TDP1: variants seen among roughly 807,000 people sequenced by gnomAD.
TDP1 encodes the protein tyr-DNA phosphodiesterase 1.
A neutral mutation model predicts 81.5 loss-of-function variants in TDP1; 64 were observed. That is an observed-to-expected ratio of 0.79 (90% confidence interval 0.64 to 0.97). The LOEUF is 0.97. Ranked by LOEUF, TDP1 falls within the 50% of genes least tolerant of loss-of-function variation. The pLI is 0.00. For missense variants in TDP1, 723 were observed against 743.8 expected (o/e 0.97, Z 0.33); for synonymous variants, 256 against 264.3 (o/e 0.97, Z 0.30).
At chr14:89,986,722 G>T (rs760107688) in intron 10 of TDP1, among the ~76,000 whole-genome samples, 3 of 152,348 alleles carry the variant, frequency 2.0e-5, no homozygotes, top group Admixed American at 6.5e-5. Flanking sequence ...TAGAAACTGG[G>T]TGTTGTAAGT....
At chr14:89,980,826 A>G in intron 8 of TDP1, 194 bp downstream of exon 8, 1 of 599,912 alleles carries the variant, frequency 1.7e-6, no homozygotes. Context: ...TCTTGGGGTA[A>G]CCAGTGTTAA....
At chr14:89,980,802 G>T (rs909726286) in intron 8 of TDP1, 170 bp downstream of exon 8, 4 of 637,196 alleles carry the variant, frequency 6.3e-6, no homozygotes, top group African/African-American at 5.5e-5. Context: ...TTTACTACCT[G>T]CCCCATTCTA....
intron 5 of TDP1, among the ~76,000 whole-genome samples, chr14:89,968,533 C>CT (rs1310985744): frequency 1.3e-5 from 2 of 152,212 alleles, no homozygotes; most frequent in African/African-American, 4.8e-5. Flanking sequence ...ACACCTGCAT[C>CT]TATTTCATTG....
At position 89,971,250 on chromosome 14, in the gene TDP1, C is replaced by T. The variant is rs778913360; in HGVS notation, c.735C>T (p.Tyr245=). ...ACCTCCATGCCCAGGCCAAGCCTTA[C>T]GAGAACATCTCTCTCTGCCAGGTAA... ...KAHLHAQAKP[Y]ENISLCQAKL... Residue 245 remains tyrosine (Y), a synonymous_variant, in exon 6 of 17, where the codon TAC becomes TAT. Transcript: ENST00000335725. The T allele has an allele frequency of 8.3e-5, 134 of 1,613,908 alleles. No individual in the cohort carries two copies. Among genetic ancestry groups the T allele is most frequent in the Non-Finnish European group, 1.0e-4 (123 of 1,179,908 alleles).
chr14:89,964,366 G>C (rs1335553221), intron 3 of TDP1, among the ~76,000 whole-genome samples: 1 of 152,238 alleles, frequency 6.6e-6, no homozygotes, highest in Non-Finnish European at 1.5e-5. Context: ...CTCATTTGCT[G>C]TATGGATTGT....
At chr14:90,039,268 A>T (rs1888127760) in intron 16 of TDP1, among the ~76,000 whole-genome samples, 1 of 152,188 alleles carries the variant, frequency 6.6e-6, no homozygotes, top group South Asian at 2.1e-4. Context: ...TAACTTGGTA[A>T]ATCAGTGCAA....
At chr14:89,983,261 G>A (rs1469866887) in intron 8 of TDP1, 3 of 398,670 alleles carry the variant, frequency 7.5e-6, no homozygotes, top group Non-Finnish European at 1.5e-5. Context: ...AGAGATCACA[G>A]AGCTTACCCA....
At chr14:90,023,108 A>G (rs1206993136) in intron 15 of TDP1, 5 of 756,114 alleles carry the variant, frequency 6.6e-6, no homozygotes, top group Non-Finnish European at 9.7e-6. Context: ...GGAAACAGAC[A>G]CTGGTGATTA....
intron 15 of TDP1, among the ~76,000 whole-genome samples, chr14:90,032,446 C>T (rs943951181): frequency 1.3e-5 from 2 of 151,902 alleles, no homozygotes; most frequent in African/African-American, 2.4e-5. Context: ...TATGGAAGCA[C>T]GAGGGGGCAC....
At chr14:90,004,129 G>A (rs2140189033) in intron 14 of TDP1, among the ~76,000 whole-genome samples, 1 of 152,224 alleles carries the variant, frequency 6.6e-6, no homozygotes, top group South Asian at 2.1e-4. Context: ...GATGACTCAA[G>A]GTCATATTAC....
chr14:89,956,014 C>T (rs1891530847), intron 1 of TDP1, 44 bp downstream of exon 1: 1 of 152,760 alleles, frequency 6.5e-6, no homozygotes, highest in African/African-American at 2.4e-5. Context: ...TGCGGTCTCT[C>T]GCGGGCTGCG....
intron 15 of TDP1, among the ~76,000 whole-genome samples, chr14:90,024,261 G>C (rs1886404428): frequency 6.6e-6 from 1 of 152,182 alleles, no homozygotes; most frequent in Admixed American, 6.5e-5. Flanking sequence ...CTACGAGCCA[G>C]GTCCACCCTG....
At chr14:90,024,135 C>A (rs1254003297) in intron 15 of TDP1, among the ~76,000 whole-genome samples, 1 of 152,156 alleles carries the variant, frequency 6.6e-6, no homozygotes, top group Non-Finnish European at 1.5e-5. Flanking sequence ...TGCTGGAGAT[C>A]CTGTAAGGTA....
intron 5 of TDP1, among the ~76,000 whole-genome samples, chr14:89,969,464 G>A (rs1265933158): frequency 6.6e-6 from 1 of 152,072 alleles, no homozygotes; most frequent in Non-Finnish European, 1.5e-5. Flanking sequence ...GTAATAAGTC[G>A]TAGAACCAAT....
At chr14:89,958,505 G>A (rs1891940128) in intron 2 of TDP1, 1 of 152,218 alleles carries the variant, frequency 6.6e-6, no homozygotes, top group African/African-American at 2.4e-5. Context: ...ACTGAGTCTG[G>A]GGCTTTTATG....
intron 3 of TDP1, 189 bp from the exon 4 acceptor site, chr14:89,965,958 A>G (rs552933438): frequency 2.6e-6 from 2 of 783,740 alleles, no homozygotes; most frequent in East Asian, 2.5e-4. Context: ...TATGATAAAT[A>G]TTAAATACCA....
intron 15 of TDP1, among the ~76,000 whole-genome samples, chr14:90,020,373 TC>T (rs1885846033): frequency 1.1e-4 from 4 of 37,410 alleles, no homozygotes; most frequent in African/African-American, 3.3e-4. Flanking sequence ...CCTCCCTCCC[TC>T]CCTTCCTTCC....
At chr14:90,043,034 T>G in intron 16 of TDP1, 36 bp from the exon 17 acceptor site, 1 of 1,614,054 alleles carries the variant, frequency 6.2e-7, no homozygotes, top group East Asian at 2.2e-5. Context: ...TACCATCCTA[T>G]TCAAATAAAT....
chr14:90,023,704 T>C (rs918384582), intron 15 of TDP1, among the ~76,000 whole-genome samples: 1 of 152,140 alleles, frequency 6.6e-6, no homozygotes, highest in Admixed American at 6.5e-5. Context: ...TCTTTTTTTT[T>C]CCTTTGAGAC....
Sources: allele counts gnomAD v4.1 joint callset (sites outside exome capture counted in the v4.1 genomes callset), GRCh38; gene constraint gnomAD v4.1.1; transcripts MANE v1.5; gene names NCBI Gene and HGNC (gene_info 2026-07-23, HGNC 2026-07-21).